FMN1: variants seen among roughly 807,000 people sequenced by gnomAD.
The protein encoded by FMN1 is formin 1, also known as formin-1.
Under a neutral mutation model 132.4 loss-of-function variants are expected in FMN1, and 110 were observed. The ratio of observed to expected loss-of-function variants is 0.83; its 90% confidence interval spans 0.71 to 0.97. FMN1 has a LOEUF of 0.97. FMN1 is among the 50% of genes least tolerant of loss of function. The probability of loss-of-function intolerance (pLI) is 0.00; values close to 1 mark genes in which losing one functional copy is unlikely to be tolerated. For synonymous variants in FMN1, 722 were observed against 651.7 expected (o/e 1.11, Z -1.64); for missense variants, 1,792 against 1,705.3 (o/e 1.05, Z -0.90).
chr15:33,157,063 C>T (rs1299889819), intron 3 of FMN1, among the ~76,000 whole-genome samples: 2 of 151,910 alleles, frequency 1.3e-5, no homozygotes, highest in East Asian at 1.9e-4. Flanking sequence ...GTCAGGAGAT[C>T]GACACCAGCC....
chr15:33,000,581 G>A (rs958411681), intron 7 of FMN1, among the ~76,000 whole-genome samples: 1 of 151,914 alleles, frequency 6.6e-6, no homozygotes, highest in African/African-American at 2.4e-5. Flanking sequence ...AAGAGTTCGA[G>A]ACCAGCCTGG....
At chr15:33,076,628 A>G (rs953802691) in intron 5 of FMN1, among the ~76,000 whole-genome samples, 3 of 152,202 alleles carry the variant, frequency 2.0e-5, no homozygotes, top group South Asian at 2.1e-4. Context: ...CACCCTCTCC[A>G]TAACTCTATG....
intron 5 of FMN1, 126 bp from the exon 6 acceptor site, chr15:33,065,200 TATA>T: frequency 1.7e-6 from 1 of 580,346 alleles, no homozygotes; most frequent in Non-Finnish European, 3.0e-6. Flanking sequence ...TCTCATTCAC[TATA>T]ATTCAGATAT....
At chr15:32,871,301 G>A (rs1412664416) in intron 16 of FMN1, among the ~76,000 whole-genome samples, 1 of 152,096 alleles carries the variant, frequency 6.6e-6, no homozygotes, top group Non-Finnish European at 1.5e-5. Flanking sequence ...TCAGGGTCTG[G>A]GCCTCGGTAT....
At chr15:32,822,230 T>C (rs59228858) in intron 17 of FMN1, among the ~76,000 whole-genome samples, 24,329 of 152,030 alleles carry the variant, frequency 0.16, 2,213 homozygotes, top group East Asian at 0.46. Context: ...GCACCTGTAA[T>C]TGCAGCTACT....
rs1385594443 is a variant in FMN1 at position 32,769,427 on chromosome 15, T to G, written c.*4883A>C. The G allele has an allele frequency of 3.9e-5, 6 of 152,202 alleles. No homozygotes were observed. The highest frequency in any genetic ancestry group is 6.5e-5 in the Admixed American group (1 of 15,278). 9.4% of individuals were successfully genotyped at this position (152,202 alleles called of 1,614,324 possible). A position where few individuals can be genotyped will look rare whatever the true frequency, so the allele number is the denominator to read the frequency against. On this transcript the variant is annotated 3_prime_UTR_variant, in exon 21 of 21. Coordinates refer to ENST00000616417, the MANE Select transcript of FMN1 (RefSeq NM_001277313.2). ...TAATAAGGTGTCAACAGCGGACAGGTGTGCAGAAATGACACAAAATGGGCT... is the reference window on the plus strand; with the variant it reads ...TAATAAGGTGTCAACAGCGGACAGGGGTGCAGAAATGACACAAAATGGGCT...
At chr15:33,035,812 C>T (rs897326154) in intron 6 of FMN1, among the ~76,000 whole-genome samples, 3 of 152,172 alleles carry the variant, frequency 2.0e-5, no homozygotes, top group African/African-American at 4.8e-5. Flanking sequence ...CACAATGTGG[C>T]AATATTTTGA....
At chr15:33,002,273 T>C (rs918854820) in intron 7 of FMN1, among the ~76,000 whole-genome samples, 2 of 152,122 alleles carry the variant, frequency 1.3e-5, no homozygotes, top group Non-Finnish European at 2.9e-5. Context: ...CTCCATAACT[T>C]GTATATGGAG....
rs998245186 is a variant in FMN1 at position 33,051,853 on chromosome 15, T to C, written c.2161+13104A>G. On this transcript the variant is annotated intron_variant, in intron 6 of 20. Coordinates refer to ENST00000616417, the MANE Select transcript of FMN1 (RefSeq NM_001277313.2). ...AAGACCCCGGAAGCATACCAACATA[T>C]AAAACCCCAAGTCAAAGGTCAAACA... 5.3e-5 allele frequency among the ~76,000 whole-genome samples: 8 copies of C among 152,274 alleles called. No individual in the cohort carries two copies. In the East Asian group the frequency reaches 1.5e-3, roughly 29 times the overall value.
intron 2 of FMN1, among the ~76,000 whole-genome samples, chr15:33,185,232 A>G (rs1965839427): frequency 6.6e-6 from 1 of 152,236 alleles, no homozygotes; most frequent in African/African-American, 2.4e-5. Context: ...GAGGTTGTCA[A>G]TAAAATACCT....
intron 13 of FMN1, 69 bp downstream of exon 13, chr15:32,901,842 G>T: frequency 7.4e-7 from 1 of 1,360,438 alleles, no homozygotes. Context: ...TGGCATTAAA[G>T]TGGTCTCTCC....
At chr15:32,849,246 C>T (rs1263065768) in intron 17 of FMN1, among the ~76,000 whole-genome samples, 1 of 151,768 alleles carries the variant, frequency 6.6e-6, no homozygotes, top group African/African-American at 2.4e-5. Context: ...CCGCCTCGGC[C>T]TCCCAAAGTG....
intron 16 of FMN1, among the ~76,000 whole-genome samples, chr15:32,866,851 T>C (rs2059404005): frequency 6.6e-6 from 1 of 152,168 alleles, no homozygotes; most frequent in Non-Finnish European, 1.5e-5. Context: ...CTTTGTCCCT[T>C]AGCGTCTGTG....
chr15:32,990,582 T>C (rs1394743124), intron 7 of FMN1, among the ~76,000 whole-genome samples: 1 of 152,160 alleles, frequency 6.6e-6, no homozygotes, highest in Non-Finnish European at 1.5e-5. Context: ...AGAAAGGATT[T>C]CTAATGTAAA....
chr15:32,964,310 T>A, intron 8 of FMN1, 53 bp from the exon 9 acceptor site: 1 of 1,254,884 alleles, frequency 8.0e-7, no homozygotes, highest in Non-Finnish European at 1.1e-6. Context: ...GGAAGGAATG[T>A]AATACAATGA....
At chr15:32,943,631 T>A (rs1338951253) in intron 9 of FMN1, among the ~76,000 whole-genome samples, 1 of 152,200 alleles carries the variant, frequency 6.6e-6, no homozygotes, top group Non-Finnish European at 1.5e-5. Flanking sequence ...ATGCAGAAAT[T>A]GTTTCACTTA....
At chr15:32,980,166 A>G (rs1596388021) in intron 7 of FMN1, among the ~76,000 whole-genome samples, 1 of 151,778 alleles carries the variant, frequency 6.6e-6, no homozygotes, top group Admixed American at 6.5e-5. Flanking sequence ...AAAATTGCTC[A>G]CCCTAGCCAA....
At chr15:33,121,767 G>A (rs1025705445) in intron 4 of FMN1, among the ~76,000 whole-genome samples, 1 of 152,160 alleles carries the variant, frequency 6.6e-6, no homozygotes, top group Non-Finnish European at 1.5e-5. Context: ...GACCCCTCAA[G>A]TGATCCGCCT....
chr15:32,786,688 A>C (rs1270355273), intron 19 of FMN1, among the ~76,000 whole-genome samples: 1 of 152,170 alleles, frequency 6.6e-6, no homozygotes, highest in Non-Finnish European at 1.5e-5. Context: ...TTGAATAGAG[A>C]AGATTGAGGG....
Sources: gnomAD v4.1 joint callset for allele counts (sites outside exome capture counted in the v4.1 genomes callset) on GRCh38, gnomAD v4.1.1 for gene constraint, MANE v1.5 for transcripts, NCBI Gene and HGNC (gene_info 2026-07-23, HGNC 2026-07-21) for gene names.